Variants in ABCA8 observed in about 807,000 individuals in gnomAD.
The protein encoded by ABCA8 is ABC-type organic anion transporter ABCA8.
ABCA8 carries 177 observed loss-of-function variants against 192.3 expected under a neutral mutation model. That is an observed-to-expected ratio of 0.92 (90% CI 0.81 to 1.04). The LOEUF (loss-of-function observed/expected upper bound fraction) is 1.04. Ranked by LOEUF, ABCA8 falls within the 50% of genes least tolerant of loss-of-function variation. ABCA8 has a pLI of 0.00. For synonymous variants in ABCA8, 642 were observed against 690.2 expected, an observed-to-expected ratio of 0.93 and a Z score of 1.09; for missense variants, 1,915 against 1,904.8, an observed-to-expected ratio of 1.01 and a Z score of -0.10.
rs373340988 is a variant in ABCA8, at chr17:68,887,481, A to G, written c.3170T>C (p.Ile1057Thr). 36 of 1,612,186 alleles carry G rather than the reference A, an allele frequency of 2.2e-5. No individual in the cohort carries two copies. The highest frequency in any genetic ancestry group is 3.0e-5 in the Non-Finnish European group (35 of 1,179,474). ...GTAAGCAGAAGGGGAGAGTCCGGAA[A>G]TCCGTAGCTGGGACCGAGCTCTGTT... ...YKNRARSQLR[I>T]SGLSPSAYWF... Residue 1057 changes from isoleucine (I) to threonine (T), a missense_variant, in exon 25 of 40, where the codon ATT (isoleucine) becomes ACT (threonine). Transcript: ENST00000586539.
Position 68,894,185 on chromosome 17 carries a change from ACTT to A in ABCA8, c.3021_3023del (p.Arg1007del). 6.2e-7 allele frequency: 1 copy of A among 1,613,236 alleles called. No homozygotes were observed. The highest frequency in any genetic ancestry group is 1.7e-5 in the Admixed American group (1 of 59,974). On this transcript the variant is annotated inframe_deletion, in exon 23 of 40. Coordinates refer to ENST00000586539, the MANE Select transcript of ABCA8 (RefSeq NM_001288985.2). The stretch of plus-strand genomic sequence containing the variant: ...TATATATATTTACCTCCAAAAATGT[ACTT>A]CTTTCAGTTCGGATATGTACTGATG...
At chr17:68,883,425 A>G (rs928951631) in intron 29 of ABCA8, among the ~76,000 whole-genome samples, 1 of 152,210 alleles carries the variant, frequency 6.6e-6, no homozygotes, top group Non-Finnish European at 1.5e-5. Context: ...CAGGAAAAGA[A>G]CACAGCTATT....
chr17:68,913,754 C>A (rs1338180618), intron 17 of ABCA8, among the ~76,000 whole-genome samples: 2 of 151,882 alleles, frequency 1.3e-5, no homozygotes, highest in Non-Finnish European at 2.9e-5. Context: ...AGTCTTTCAG[C>A]AGAGAATTCA....
At chr17:68,925,248 TA>T (rs35431659) in intron 10 of ABCA8, among the ~76,000 whole-genome samples, 75,341 of 151,924 alleles carry the variant, frequency 0.5, 19,522 homozygotes, top group Non-Finnish European at 0.58. Flanking sequence ...TGAGAATGAC[TA>T]TTGGATACCT....
intron 33 of ABCA8, 80 bp from the exon 34 acceptor site, chr17:68,876,783 G>GGTTC: frequency 1.9e-6 from 3 of 1,565,322 alleles, no homozygotes; most frequent in Non-Finnish European, 1.8e-6. Context: ...GGGTGGAGAA[G>GGTTC]CAGAACTCAA....
At chr17:68,887,925 T>TATATATATATGGATA in intron 24 of ABCA8, among the ~76,000 whole-genome samples, 1 of 101,032 alleles carries the variant, frequency 9.9e-6, no homozygotes, top group African/African-American at 4.0e-5. Context: ...TATATATATA[T>TATATATATATGGATA]TATATATGGA....
chr17:68,946,346 G>A (rs919956234), intron 2 of ABCA8, among the ~76,000 whole-genome samples: 38 of 152,186 alleles, frequency 2.5e-4, no homozygotes, highest in African/African-American at 7.9e-4. Flanking sequence ...GATTACAGGC[G>A]TGAGCCCCCG....
chr17:68,870,880 G>A (rs939722577), intron 37 of ABCA8, among the ~76,000 whole-genome samples: 9 of 152,142 alleles, frequency 5.9e-5, no homozygotes, highest in African/African-American at 1.2e-4. Flanking sequence ...TTGCTAGGAC[G>A]TAAGATAGTT....
intron 19 of ABCA8, among the ~76,000 whole-genome samples, chr17:68,904,999 C>G (rs148005996): frequency 2.6e-4 from 40 of 152,308 alleles, no homozygotes; most frequent in African/African-American, 9.4e-4. Context: ...TTTTCCAGTG[C>G]TATAATTCAA....
chr17:68,896,681 A>G (rs1353766682), intron 21 of ABCA8, among the ~76,000 whole-genome samples: 1 of 152,154 alleles, frequency 6.6e-6, no homozygotes, highest in Non-Finnish European at 1.5e-5. Context: ...GATTTTACTT[A>G]ATAGTGGCCC....
intron 1 of ABCA8, among the ~76,000 whole-genome samples, chr17:68,950,228 G>T (rs1360196300): frequency 6.6e-6 from 1 of 152,182 alleles, no homozygotes; most frequent in Non-Finnish European, 1.5e-5. Context: ...CGTGCTCATA[G>T]ATAGGAAGAA....
chr17:68,875,754 T>C (rs529427949), intron 35 of ABCA8, 21 bp from the exon 36 acceptor site: 32 of 1,598,360 alleles, frequency 2.0e-5, no homozygotes, highest in Non-Finnish European at 2.6e-5. Flanking sequence ...AAGAGATTAT[T>C]TGCAATTTAG....
rs4148014 is a variant in ABCA8, at chr17:68,954,027, C to CT, written c.-167+1191dup. On this transcript the variant is annotated intron_variant, in intron 1 of 39. Transcript: ENST00000586539. The stretch of plus-strand genomic sequence containing the variant: ...TGCAAGCTCTGTACAGGAGGAATTT[C>CT]TTTTTTTTTTTTCGTTTTATTATTA... Among the ~76,000 whole-genome samples the CT allele has an allele frequency of 3.8e-3, 564 of 146,938 alleles. 4 individuals are homozygous for CT. Among genetic ancestry groups the CT allele is most frequent in the African/African-American group, 0.011 (457 of 40,134 alleles).
chr17:68,894,352 A>AT (rs754713692), intron 22 of ABCA8, 42 bp from the exon 23 acceptor site: 2 of 1,532,970 alleles, frequency 1.3e-6, no homozygotes, highest in South Asian at 2.5e-5. Context: ...AAATATCTTC[A>AT]TTTTGTTCTC....
At chr17:68,922,622 A>G (rs1248923036) in intron 11 of ABCA8, among the ~76,000 whole-genome samples, 1 of 152,176 alleles carries the variant, frequency 6.6e-6, no homozygotes, top group Admixed American at 6.5e-5. Flanking sequence ...TGCAAAGCTA[A>G]GAAAGCAAGG....
At chr17:68,887,911 T>TATATATATGTCC (rs1555607401) in intron 24 of ABCA8, among the ~76,000 whole-genome samples, 1 of 19,974 alleles carries the variant, frequency 5.0e-5, no homozygotes, top group African/African-American at 3.2e-4. Context: ...TATATATCCA[T>TATATATATGTCC]ATATATATAT....
In ABCA8 at chr17:68,902,849, A is replaced by C. The variant is rs1162335957; in HGVS notation, c.2628T>G (p.Pro876=). The part of the protein sequence containing the change: ...LLLILMAGFC[P]LLVEYTMVKI... Reference sequence around the variant, plus strand: ...TCACCATGGTATACTCCACAAGAAGAGGGCAAAATCCAGCCATTAGAATTA... The same window carrying C: ...TCACCATGGTATACTCCACAAGAAGCGGGCAAAATCCAGCCATTAGAATTA... Residue 876 remains proline (P), a synonymous_variant, in exon 21 of 40, where the codon CCT becomes CCG. Transcript: ENST00000586539. The C allele has an allele frequency of 2.5e-6, 4 of 1,612,842 alleles. No homozygotes were observed. The highest frequency in any genetic ancestry group is 3.4e-6 in the Non-Finnish European group (4 of 1,179,608).
At chr17:68,881,724 A>T in intron 31 of ABCA8, 139 bp downstream of exon 31, 5 of 683,144 alleles carry the variant, frequency 7.3e-6, no homozygotes, top group Non-Finnish European at 1.3e-5. Flanking sequence ...GAAATGAAAC[A>T]TACAAAGGAA....
chr17:68,868,491 A>C, intron 38 of ABCA8, 135 bp from the exon 39 acceptor site: 1 of 746,258 alleles, frequency 1.3e-6, no homozygotes. Context: ...TCTTAAGTAC[A>C]TCGTTCAGTT....
Sources: gnomAD v4.1 joint callset for allele counts (sites outside exome capture counted in the v4.1 genomes callset) on GRCh38, gnomAD v4.1.1 for gene constraint, MANE v1.5 for transcripts, NCBI Gene and HGNC (gene_info 2026-07-23, HGNC 2026-07-21) for gene names.